PI4KB: variants seen among roughly 807,000 people sequenced by gnomAD.
PI4KB encodes the protein phosphatidylinositol 4-kinase beta.
A neutral mutation model predicts 81.4 loss-of-function variants in PI4KB; 23 were observed. The ratio of observed to expected loss-of-function variants is 0.28; its 90% confidence interval spans 0.20 to 0.40. The LOEUF is 0.40. Ranked by LOEUF, PI4KB falls within the 10% of genes least tolerant of loss-of-function variation. The pLI, the probability that PI4KB is intolerant of heterozygous loss-of-function variation, is 1.00. For synonymous variants in PI4KB, 381 were observed against 406.8 expected, an observed-to-expected ratio of 0.94 and a Z score of 0.76; for missense variants, 651 against 1,036.6, an observed-to-expected ratio of 0.63 and a Z score of 5.11.
chr1:151,316,909 G>A (rs1196556096), intron 1 of PI4KB, among the ~76,000 whole-genome samples: 2 of 151,740 alleles, frequency 1.3e-5, no homozygotes, highest in East Asian at 2.0e-4. Flanking sequence ...TGTAAGTTCC[G>A]CCTCCCGGGT....
intron 10 of PI4KB, 124 bp downstream of exon 10, chr1:151,294,285 G>T (rs2101903557): frequency 3.4e-6 from 5 of 1,458,534 alleles, no homozygotes; most frequent in Non-Finnish European, 4.6e-6. Flanking sequence ...AGGAACTCCT[G>T]CCTCACCCCT....
At chr1:151,321,912 CT>C (rs1255516387) in intron 1 of PI4KB, among the ~76,000 whole-genome samples, 1 of 145,166 alleles carries the variant, frequency 6.9e-6, no homozygotes, top group Non-Finnish European at 1.5e-5. Flanking sequence ...GGTAACTGTT[CT>C]AAAGAAAATG....
intron 10 of PI4KB, 102 bp from the exon 11 acceptor site, chr1:151,294,240 T>G: frequency 6.0e-6 from 9 of 1,508,736 alleles, no homozygotes; most frequent in Non-Finnish European, 8.0e-6. Context: ...TGGGGCCCTG[T>G]TATTTCCCCC....
chr1:151,320,359 C>T (rs186236483), intron 1 of PI4KB, among the ~76,000 whole-genome samples: 35 of 152,256 alleles, frequency 2.3e-4, no homozygotes, highest in Non-Finnish European at 3.8e-4. Context: ...TGCCCAATAT[C>T]ATATAGTCCA....
At chr1:151,319,492 C>T (rs1198316636) in intron 1 of PI4KB, among the ~76,000 whole-genome samples, 2 of 152,174 alleles carry the variant, frequency 1.3e-5, no homozygotes, top group African/African-American at 4.8e-5. Flanking sequence ...ATTCTAACAA[C>T]TGGAGGGACA....
intron 11 of PI4KB, chr1:151,293,620 G>A (rs1427822820): frequency 6.4e-6 from 2 of 313,166 alleles, no homozygotes; most frequent in East Asian, 1.1e-4. Flanking sequence ...TGATGAGAGG[G>A]GAAATACTTC....
At chr1:151,293,869 G>A in intron 11 of PI4KB, 149 bp downstream of exon 11, 1 of 832,248 alleles carries the variant, frequency 1.2e-6, no homozygotes, top group Middle Eastern at 2.3e-4. Context: ...TCCTAAAGGA[G>A]AAACAAGGCA....
At position 151,316,008 on chromosome 1, in the gene PI4KB, G is replaced by T. The variant is rs781517622; in HGVS notation, c.474C>A (p.Ala158=). The T allele has an allele frequency of 2.5e-5, 40 of 1,614,014 alleles. No homozygotes were observed. Among genetic ancestry groups the T allele is most frequent in the Non-Finnish European group, 3.4e-5 (40 of 1,179,886 alleles). The change falls in exon 2 of 12, where the codon GCC becomes GCA. Residue 158 remains alanine, a synonymous_variant. Transcript: ENST00000368873. The part of the protein sequence containing the change: ...LYNSKEPGVQ[A]YIGNRLFCFR... Reference sequence around the variant, plus strand: ...AGCAGAAGAGCCGGTTGCCAATGTAGGCTTGTACTCCAGGCTCCTTGGAGT... The same window carrying T: ...AGCAGAAGAGCCGGTTGCCAATGTATGCTTGTACTCCAGGCTCCTTGGAGT...
At chr1:151,312,227 G>C (rs1280369232) in intron 2 of PI4KB, among the ~76,000 whole-genome samples, 1 of 152,328 alleles carries the variant, frequency 6.6e-6, no homozygotes, top group Non-Finnish European at 1.5e-5. Context: ...GGCAGGAAGA[G>C]AACTGTACAT....
At chr1:151,300,381 C>T (rs1044562771) in intron 8 of PI4KB, among the ~76,000 whole-genome samples, 3 of 152,060 alleles carry the variant, frequency 2.0e-5, no homozygotes, top group African/African-American at 7.2e-5. Context: ...TGGAGGTGGG[C>T]GGATCACCTG....
At chr1:151,297,553 TTG>T (rs1281129071) in intron 9 of PI4KB, among the ~76,000 whole-genome samples, 1 of 151,126 alleles carries the variant, frequency 6.6e-6, no homozygotes, top group African/African-American at 2.4e-5. Context: ...TTTTTTTTTT[TTG>T]AGTTGGAATT....
intron 10 of PI4KB, 119 bp from the exon 11 acceptor site, chr1:151,294,257 A>T: frequency 6.8e-7 from 1 of 1,480,442 alleles, no homozygotes; most frequent in East Asian, 2.3e-5. Flanking sequence ...CCCCTTCCTT[A>T]TTGGGCAGGA....
At chr1:151,325,784 C>A (rs369511289) in intron 1 of PI4KB, among the ~76,000 whole-genome samples, 4 of 152,250 alleles carry the variant, frequency 2.6e-5, no homozygotes, top group South Asian at 4.1e-4. Context: ...CCTGAGGAAC[C>A]CAAAATGTTT....
Position 151,311,822 on chromosome 1 carries a change from C to T in PI4KB, c.910-1567G>A, listed in dbSNP as rs587686159. On this transcript the variant is annotated intron_variant, in intron 2 of 11. Coordinates refer to ENST00000368873, the MANE Select transcript of PI4KB (RefSeq NM_001369623.2). ...GCAAGAAGCTGACATCACACCATAT[C>T]AAGCTAGAAGGCCTACTGGGGCTTC... 2.7e-4 allele frequency among the ~76,000 whole-genome samples: 41 copies of T among 152,346 alleles called. No homozygotes were observed. The South Asian group carries it at 8.5e-3, about 32-fold the overall frequency.
At position 151,293,027 on chromosome 1, in the gene PI4KB, T is replaced by C; in HGVS notation, c.2276A>G (p.Gln759Arg). The change falls in exon 12 of 12, where the codon CAG becomes CGG. Residue 759 changes from glutamine (Q) to arginine (R), a missense_variant. Around this residue, in one of 5 missense-constraint regions of PI4KB, gnomAD observed 70 missense variants for 108.1 expected, o/e 0.65. Coordinates refer to ENST00000368873, the MANE Select transcript of PI4KB (RefSeq NM_001369623.2). ...GCTGGAGCCATGGAAGCAAGGAAGC[T>C]GAGAACCTGGGGGAAGCAGTCGGAG... ...QIVEIMQQGS[Q>R]LPCFHGSSTI... 6.2e-7 allele frequency: 1 copy of C among 1,613,906 alleles called. No homozygotes were observed. The highest frequency in any genetic ancestry group is 2.2e-5 in the East Asian group (1 of 44,872).
intron 1 of PI4KB, among the ~76,000 whole-genome samples, chr1:151,317,293 C>T (rs757394304): frequency 4.6e-5 from 7 of 151,674 alleles, no homozygotes; most frequent in Non-Finnish European, 1.0e-4. Context: ...GTGCACACCA[C>T]CATGCCTGGC....
rs1233064096 is a variant in PI4KB, at chr1:151,306,135, C to T, written c.1410+1G>A. On this transcript the variant is annotated splice_donor_variant, in intron 5 of 11. Transcript: ENST00000368873. LOFTEE classifies it high-confidence loss of function. ...GCATTACCTCCCTGAAGCCCTCTCA[C>T]CTCCACTTGCAGCTCGCCTATGTCA... 1.2e-6 allele frequency: 2 copies of T among 1,612,470 alleles called. No individual in the cohort carries two copies. The highest frequency in any genetic ancestry group is 1.7e-4 in the Middle Eastern group (1 of 6,056).
At chr1:151,297,235 C>A (rs1694877836) in intron 9 of PI4KB, among the ~76,000 whole-genome samples, 3 of 152,240 alleles carry the variant, frequency 2.0e-5, no homozygotes, top group African/African-American at 7.2e-5. Context: ...CTGTATACCA[C>A]CATGCTTGGC....
At chr1:151,307,891 G>T in intron 3 of PI4KB, 90 bp from the exon 4 acceptor site, 1 of 965,784 alleles carries the variant, frequency 1.0e-6, no homozygotes, top group East Asian at 2.5e-5. Flanking sequence ...CATGCAGGCC[G>T]GGGACCCCAC....
Sources: allele counts gnomAD v4.1 joint callset (sites outside exome capture counted in the v4.1 genomes callset), GRCh38; gene constraint gnomAD v4.1.1; regional missense constraint gnomAD v4.1.1; transcripts MANE v1.5; gene names NCBI Gene and HGNC (gene_info 2026-07-23, HGNC 2026-07-21).